The following SMURF1 variants were observed in gnomAD, a reference collection of about 807,000 sequenced individuals.
The protein encoded by SMURF1 is SMAD specific E3 ubiquitin protein ligase 1, also known as E3 ubiquitin-protein ligase SMURF1.
A neutral mutation model predicts 98.0 loss-of-function variants in SMURF1; 44 were observed. That is an observed-to-expected ratio of 0.45 (90% CI 0.35 to 0.58). SMURF1 has a LOEUF of 0.58. SMURF1 is among the 20% of genes least tolerant of loss of function. The probability of loss-of-function intolerance (pLI) is 0.00; values close to 1 mark genes in which losing one functional copy is unlikely to be tolerated. For synonymous variants in SMURF1, 396 were observed against 374.9 expected (o/e 1.06, Z -0.65); for missense variants, 687 against 938.4 (o/e 0.73, Z 3.50).
chr7:99,042,580 T>C (rs911075167), intron 11 of SMURF1, among the ~76,000 whole-genome samples: 18 of 152,226 alleles, frequency 1.2e-4, no homozygotes, highest in African/African-American at 4.1e-4. Context: ...CAGCCTAAGT[T>C]GTTATTTTCT....
At chr7:99,055,422 C>A (rs766750644) in intron 5 of SMURF1, among the ~76,000 whole-genome samples, 11 of 151,670 alleles carry the variant, frequency 7.3e-5, no homozygotes, top group Admixed American at 2.6e-4. Flanking sequence ...GAGCTAAGAT[C>A]GCGCCACTGA....
intron 1 of SMURF1, among the ~76,000 whole-genome samples, chr7:99,131,774 T>C (rs925859719): frequency 3.3e-5 from 5 of 151,826 alleles, no homozygotes; most frequent in African/African-American, 1.2e-4. Flanking sequence ...AAATGCAATC[T>C]AGGGGAACCA....
chr7:99,057,606 T>TTG lies in SMURF1; in HGVS notation c.204-56_204-55insCA, dbSNP rs1795915206. 20 of 939,748 alleles carry TTG rather than the reference T, an allele frequency of 2.1e-5. No homozygotes were observed. In the African/African-American group the frequency reaches 3.6e-4, roughly 17 times the overall value. 58.2% of individuals were successfully genotyped at this position (939,748 alleles called of 1,614,324 possible). A position where few individuals can be genotyped will look rare whatever the true frequency, so the allele number is the denominator to read the frequency against. On this transcript the variant is annotated intron_variant, in intron 3 of 17. Coordinates refer to ENST00000361368, the MANE Select transcript of SMURF1 (RefSeq NM_181349.3). The stretch of plus-strand genomic sequence containing the variant: ...ATTGTGTTTGGTTTTTTTTGTTTTG[T>TTG]TTTTTTTTTTTTTTGAGATAGAATC...
chr7:99,039,579 C>T (rs762451580), intron 13 of SMURF1, among the ~76,000 whole-genome samples: 1 of 152,108 alleles, frequency 6.6e-6, no homozygotes, highest in Non-Finnish European at 1.5e-5. Flanking sequence ...AAACTCCAAC[C>T]TTTGACCTCA....
chr7:99,112,006 T>G (rs1034020201), intron 1 of SMURF1, among the ~76,000 whole-genome samples: 2 of 152,124 alleles, frequency 1.3e-5, no homozygotes, highest in South Asian at 4.1e-4. Context: ...ATGTACTCAT[T>G]GCTATTACCT....
In SMURF1 at chr7:99,047,794, A is replaced by G. The variant is rs768392448; in HGVS notation, c.1042T>C (p.Tyr348His). The change falls in exon 10 of 18, where the codon TAC becomes CAC. Residue 348 changes from tyrosine to histidine, a missense_variant. Physicochemically the swap from Tyr to His is moderately conservative, Grantham distance 83. Coordinates refer to ENST00000361368, the MANE Select transcript of SMURF1 (RefSeq NM_181349.3). ...AGCTTCTGGACTAGATCTCTTTCGT[A>G]TCTCTGGGCAGGAAGCTCCTCGTCC... ...LEDEELPAQR[Y>H]ERDLVQKLKV... is the part of the protein sequence containing the mutation. 17 of 1,614,138 alleles carry G rather than the reference A, an allele frequency of 1.1e-5. No individual in the cohort carries two copies. Among genetic ancestry groups the G allele is most frequent in the Non-Finnish European group, 1.4e-5 (16 of 1,180,024 alleles).
chr7:99,070,327 C>G lies in SMURF1; in HGVS notation c.56-8490G>C, dbSNP rs182533220. ...GTGTGATCCTTTCTAGTCCAGAAAG[C>G]TCTTCTAGAAACACTATTCTCTTCT... On this transcript the variant is annotated intron_variant, in intron 1 of 17. Coordinates refer to ENST00000361368, the MANE Select transcript of SMURF1 (RefSeq NM_181349.3). 2.6e-4 allele frequency among the ~76,000 whole-genome samples: 39 copies of G among 152,270 alleles called. 1 individual carries two copies. The East Asian group carries it at 7.0e-3, about 27-fold the overall frequency.
At chr7:99,044,849 G>T (rs907734730) in intron 11 of SMURF1, among the ~76,000 whole-genome samples, 1 of 152,202 alleles carries the variant, frequency 6.6e-6, no homozygotes, top group Non-Finnish European at 1.5e-5. Flanking sequence ...AGAAGCAGTT[G>T]TCTTAGCCAA....
chr7:99,030,696 A>C lies in SMURF1; in HGVS notation c.2097-13T>G. 6.2e-7 allele frequency: 1 copy of C among 1,612,484 alleles called. No individual in the cohort carries two copies. Among genetic ancestry groups the C allele is most frequent in the East Asian group, 2.2e-5 (1 of 44,854 alleles). On this transcript the variant is annotated splice_polypyrimidine_tract_variant and intron_variant, in intron 17 of 17. Coordinates refer to ENST00000361368, the MANE Select transcript of SMURF1 (RefSeq NM_181349.3). ...GATCCGGTTAAAGCTGAAAAAGGAC[A>C]AAAGAGAGTCACCGTGTGGGCAGTC...
intron 6 of SMURF1, among the ~76,000 whole-genome samples, chr7:99,054,292 G>A (rs1948201565): frequency 6.6e-6 from 1 of 151,848 alleles, no homozygotes; most frequent in Non-Finnish European, 1.5e-5. Context: ...TTTTGAGTCA[G>A]GCACAACCCC....
chr7:99,030,324 CA>C lies in SMURF1; in HGVS notation c.*259del. The C allele has an allele frequency of 2.1e-6, 1 of 470,954 alleles. No homozygotes were observed. The highest frequency in any genetic ancestry group is 3.9e-6 in the Non-Finnish European group (1 of 255,970). The allele number at this position is 470,954 out of a possible 1,614,324, so 29.2% of individuals were successfully genotyped here. ...GCAGAATATCCTGTGTGACCAAAGC[CA>C]AAGGCTAAACCTGGCTGCATTTTAT... On this transcript the variant is annotated 3_prime_UTR_variant, in exon 18 of 18. Transcript: ENST00000361368.
At chr7:99,134,667 C>T (rs1005756495) in intron 1 of SMURF1, among the ~76,000 whole-genome samples, 5 of 152,034 alleles carry the variant, frequency 3.3e-5, no homozygotes, top group African/African-American at 9.7e-5. Flanking sequence ...ACTATAAATA[C>T]TTGGAAAAAT....
chr7:99,063,259 A>T lies in SMURF1; in HGVS notation c.56-1422T>A, dbSNP rs1188481673. The stretch of plus-strand genomic sequence containing the variant: ...GATTTATTTATATATATATATATAT[A>T]TATATATATATATATATATATATAT... On this transcript the variant is annotated intron_variant, in intron 1 of 17. Transcript: ENST00000361368. Among the ~76,000 whole-genome samples, 4 of 6,316 alleles carry T rather than the reference A, an allele frequency of 6.3e-4. No homozygotes were observed. In the East Asian group the frequency reaches 0.013, roughly 20 times the overall value. The allele number at this position is 6,316 out of a possible 152,430, so 4.1% of individuals were successfully genotyped here. A position where few individuals can be genotyped will look rare whatever the true frequency, so the allele number is the denominator to read the frequency against.
At chr7:99,082,145 T>C (rs1192217692) in intron 1 of SMURF1, among the ~76,000 whole-genome samples, 2 of 152,236 alleles carry the variant, frequency 1.3e-5, no homozygotes, top group Non-Finnish European at 2.9e-5. Flanking sequence ...TTGTTTTTCA[T>C]TGTGGAGTTG....
chr7:99,141,247 C>T (rs1798112915), intron 1 of SMURF1, among the ~76,000 whole-genome samples: 2 of 152,196 alleles, frequency 1.3e-5, no homozygotes, highest in Admixed American at 1.3e-4. Context: ...AAACCAAGTC[C>T]TCCCTTTCAA....
chr7:99,135,808 A>T (rs752874815), intron 1 of SMURF1, among the ~76,000 whole-genome samples: 1 of 152,230 alleles, frequency 6.6e-6, no homozygotes, highest in Non-Finnish European at 1.5e-5. Flanking sequence ...GATCTGATAG[A>T]CAGTGCCAAA....
chr7:99,050,659 G>T (rs1056915492), intron 8 of SMURF1: 37 of 352,618 alleles, frequency 1.0e-4, no homozygotes, highest in African/African-American at 6.7e-4. Context: ...TCTAACAGGG[G>T]GTACAAAAGA....
chr7:99,143,667 G>A (rs963010579), intron 1 of SMURF1, 59 bp downstream of exon 1: 159 of 1,455,914 alleles, frequency 1.1e-4, no homozygotes, highest in Non-Finnish European at 1.3e-4. Flanking sequence ...CGCCCTGCGG[G>A]GAATTCCGGG....
chr7:99,093,510 CACTCTATAAT>C (rs6150246), intron 1 of SMURF1, among the ~76,000 whole-genome samples: 38,520 of 151,872 alleles, frequency 0.25, 5,956 homozygotes, highest in South Asian at 0.37. Flanking sequence ...ACAAAGCAAC[CACTCTATAAT>C]GACATTACAT....
Sources: allele counts gnomAD v4.1 joint callset (sites outside exome capture counted in the v4.1 genomes callset), GRCh38; gene constraint gnomAD v4.1.1; transcripts MANE v1.5; gene names NCBI Gene and HGNC (gene_info 2026-07-23, HGNC 2026-07-21).